Variants in ZFP3 observed in about 807,000 individuals in gnomAD.
ZFP3 encodes the protein zinc finger protein 3 homolog.
In ZFP3, 18 loss-of-function variants were observed where a neutral mutation model predicts 36.7. The ratio of observed to expected loss-of-function variants is 0.49; its 90% CI spans 0.34 to 0.73. The LOEUF is 0.73. Among genes scored for constraint, ZFP3 ranks in the 30% least tolerant of loss-of-function variants. The pLI, the probability that ZFP3 is intolerant of heterozygous loss-of-function variation, is 0.01. For synonymous variants in ZFP3, 218 were observed against 199.0 expected (o/e 1.10, Z -0.81); for missense variants, 495 against 599.0 (o/e 0.83, Z 1.81).
rs2072076070 is a variant in ZFP3, at chr17:5,078,480, A to C, written c.-104A>C. 1 of 152,282 alleles carries C rather than the reference A, an allele frequency of 6.6e-6. No homozygotes were observed. The highest frequency in any genetic ancestry group is 2.1e-4 in the South Asian group (1 of 4,842). 9.4% of individuals were successfully genotyped at this position (152,282 alleles called of 1,614,324 possible). ...CCGGAAGTGGCCGATGCCCGTCGCC[A>C]GTGACACCGGGACAACAGCTGCGGG... On this transcript the variant is annotated 5_prime_UTR_variant, in exon 1 of 2. Transcript: ENST00000318833. This position sits in a 1 kb window ranked among gnomAD's most constrained non-coding sequence, Gnocchi z 4.5.
At chr17:5,087,549 A>G (rs1358084226) in intron 1 of ZFP3, among the ~76,000 whole-genome samples, 1 of 152,064 alleles carries the variant, frequency 6.6e-6, no homozygotes, top group East Asian at 1.9e-4. Flanking sequence ...AAATTAGGAT[A>G]ATTTGAGGAG....
intron 1 of ZFP3, among the ~76,000 whole-genome samples, chr17:5,087,267 G>A (rs2072126626): frequency 2.0e-5 from 3 of 151,226 alleles, no homozygotes; most frequent in African/African-American, 7.3e-5. Flanking sequence ...TTGTAGAGAT[G>A]GGGTCTTGCT....
At chr17:5,080,699 C>T (rs181093636) in intron 1 of ZFP3, among the ~76,000 whole-genome samples, 2 of 152,134 alleles carry the variant, frequency 1.3e-5, no homozygotes, top group African/African-American at 4.8e-5. Flanking sequence ...CTCTCTGTAA[C>T]CTCCATCTCT....
At chr17:5,081,795 G>A (rs1567747934) in intron 1 of ZFP3, among the ~76,000 whole-genome samples, 2 of 150,912 alleles carry the variant, frequency 1.3e-5, no homozygotes, top group Non-Finnish European at 3.0e-5. Flanking sequence ...TAGAGGCGGG[G>A]TTTCACCGTA....
Position 5,094,042 on chromosome 17 carries a change from T to A in ZFP3, c.*1029T>A. 1 of 167,266 alleles carries A rather than the reference T, an allele frequency of 6.0e-6. No individual in the cohort carries two copies. The allele number at this position is 167,266 out of a possible 1,614,324, so 10.4% of individuals were successfully genotyped here. ...TAGCAGACAGGACTGTGGCTTCACCTCCTCCGGGCACCTGGCTACAGTGAT... is the reference window on the plus strand; with the variant it reads ...TAGCAGACAGGACTGTGGCTTCACCACCTCCGGGCACCTGGCTACAGTGAT... On this transcript the variant is annotated 3_prime_UTR_variant, in exon 2 of 2. Coordinates refer to ENST00000318833, the MANE Select transcript of ZFP3 (RefSeq NM_153018.3).
Position 5,079,150 on chromosome 17 carries a change from T to C in ZFP3, c.-9+575T>C, listed in dbSNP as rs1046497544. The stretch of plus-strand genomic sequence containing the variant: ...AGGAACTTATTTTTACAAACAGTTA[T>C]CGACACCAGCTATGTGTCAGACACT... On this transcript the variant is annotated intron_variant, in intron 1 of 1. Coordinates refer to ENST00000318833, the MANE Select transcript of ZFP3 (RefSeq NM_153018.3). 7.2e-5 allele frequency among the ~76,000 whole-genome samples: 11 copies of C among 152,214 alleles called. No homozygotes were observed. The East Asian group carries it at 9.6e-4, about 13-fold the overall frequency.
At position 5,090,487 on chromosome 17, in the gene ZFP3, G is replaced by A. The variant is rs2072144167; in HGVS notation, c.-8-1010G>A. Among the ~76,000 whole-genome samples, 3 of 152,192 alleles carry A rather than the reference G, an allele frequency of 2.0e-5. No homozygotes were observed. In the South Asian group the frequency reaches 6.2e-4, roughly 31 times the overall value. The stretch of plus-strand genomic sequence containing the variant: ...GGCTCCAAATGTCAGGGAGCCAAAG[G>A]CGGTACTTCTGTGCTAGTTATAGCT... On this transcript the variant is annotated intron_variant, in intron 1 of 1. Coordinates refer to ENST00000318833, the MANE Select transcript of ZFP3 (RefSeq NM_153018.3).
rs2072079226 is a variant in ZFP3 at position 5,078,854 on chromosome 17, C to T, written c.-9+279C>T. Among the ~76,000 whole-genome samples, 2 of 152,142 alleles carry T rather than the reference C, an allele frequency of 1.3e-5. No individual in the cohort carries two copies. Among genetic ancestry groups the T allele is most frequent in the East Asian group, 3.9e-4 (2 of 5,186 alleles). On this transcript the variant is annotated intron_variant, in intron 1 of 1. Transcript: ENST00000318833. The surrounding 1 kb of genome is among the most constrained non-coding windows in gnomAD (Gnocchi z 4.5). ...AGAAGCAGGGACACTCCCTTCTGTA[C>T]CGAGGTGGGGACCCGTGGGAGCTGT...
Position 5,092,860 on chromosome 17 carries a change from C to T in ZFP3, c.1356C>T (p.Ser452=), listed in dbSNP as rs143319403. Residue 452 remains serine (S), a synonymous_variant, in exon 2 of 2, where the codon AGC becomes AGT. Coordinates refer to ENST00000318833, the MANE Select transcript of ZFP3 (RefSeq NM_153018.3). This position sits in a 1 kb window ranked among gnomAD's most constrained non-coding sequence, Gnocchi z 5.0. ...IHIGEKPYEC[S]ECEKTFSQHS... ...TTGGAGAGAAACCTTATGAATGTAGCGAGTGTGAGAAAACATTTAGCCAGC... is the reference window on the plus strand; with the variant it reads ...TTGGAGAGAAACCTTATGAATGTAGTGAGTGTGAGAAAACATTTAGCCAGC... 1.2e-5 allele frequency: 20 copies of T among 1,614,004 alleles called. No homozygotes were observed. Among genetic ancestry groups the T allele is most frequent in the African/African-American group, 8.0e-5 (6 of 74,972 alleles).
At position 5,091,485 on chromosome 17, in the gene ZFP3, C is replaced by G. The variant is rs563173258; in HGVS notation, c.-8-12C>G. ...ATACGGTCCCTTCACATACTTACCT[C>G]TCTCATTTCAGATTGTGAGATGGGG... On this transcript the variant is annotated splice_polypyrimidine_tract_variant and intron_variant, in intron 1 of 1. Coordinates refer to ENST00000318833, the MANE Select transcript of ZFP3 (RefSeq NM_153018.3). 1.2e-5 allele frequency: 20 copies of G among 1,609,868 alleles called. No homozygotes were observed. The South Asian group carries it at 2.0e-4, about 16-fold the overall frequency.
In ZFP3 at chr17:5,092,826, A is replaced by AGC; in HGVS notation, c.1322_1323insGC (p.Ile442GlnfsTer106). 4 of 1,614,180 alleles carry AGC rather than the reference A, an allele frequency of 2.5e-6. No individual in the cohort carries two copies. The highest frequency in any genetic ancestry group is 3.4e-6 in the Non-Finnish European group (4 of 1,180,034). On this transcript the variant is annotated frameshift_variant, in exon 2 of 2. Transcript: ENST00000318833. LOFTEE classifies it high-confidence loss of function. The surrounding 1 kb of genome is among the most constrained non-coding windows in gnomAD (Gnocchi z 5.0). ...AATTCTGAGCTGCTTCTCCACCAGA[A>AGC]AATTCATATTGGAGAGAAACCTTAT...
chr17:5,092,005 AC>A lies in ZFP3; in HGVS notation c.504del (p.Phe169LeufsTer20). 1 of 1,614,104 alleles carries A rather than the reference AC, an allele frequency of 6.2e-7. No individual in the cohort carries two copies. The highest frequency in any genetic ancestry group is 8.5e-7 in the Non-Finnish European group (1 of 1,180,008). Reference sequence around the variant, plus strand: ...ATATGAGAGTTCATAGTGGAGAAAAACCCTTTGAATGTAAAGAATGTGGAAA... The same window carrying A: ...ATATGAGAGTTCATAGTGGAGAAAAACCTTTGAATGTAAAGAATGTGGAAA... ...QHMRVHSGEK[P>X]FECKECGKTF... On this transcript the variant is annotated frameshift_variant, in exon 2 of 2. Coordinates refer to ENST00000318833, the MANE Select transcript of ZFP3 (RefSeq NM_153018.3). LOFTEE classifies it high-confidence loss of function. The surrounding 1 kb of genome is among the most constrained non-coding windows in gnomAD (Gnocchi z 5.0).
intron 1 of ZFP3, among the ~76,000 whole-genome samples, chr17:5,082,110 G>A (rs1037675510): frequency 1.3e-5 from 2 of 151,664 alleles, no homozygotes; most frequent in African/African-American, 4.8e-5. Context: ...CACTTTGGGA[G>A]GCCGAGGCGG....
chr17:5,087,077 ATTTTTT>A, intron 1 of ZFP3, among the ~76,000 whole-genome samples: 1 of 101,552 alleles, frequency 9.8e-6, no homozygotes, highest in South Asian at 3.3e-4. Context: ...ACTGCATTTG[ATTTTTT>A]TTTTTTTTTT....
At position 5,092,570 on chromosome 17, in the gene ZFP3, A is replaced by G. The variant is rs778810543; in HGVS notation, c.1066A>G (p.Ile356Val). The G allele has an allele frequency of 1.9e-6, 3 of 1,613,944 alleles. No homozygotes were observed. The highest frequency in any genetic ancestry group is 2.5e-6 in the Non-Finnish European group (3 of 1,180,016). Reference protein sequence around the residue: ...FGQNSEIIRHIRIHTGEKPYV... With the variant: ...FGQNSEIIRHVRIHTGEKPYV... ...CCAGAACTCAGAGATTATTAGACATATTAGAATTCATACTGGTGAGAAGCC... is the reference window on the plus strand; with the variant it reads ...CCAGAACTCAGAGATTATTAGACATGTTAGAATTCATACTGGTGAGAAGCC... The change falls in exon 2 of 2, where the codon ATT becomes GTT. Residue 356 changes from isoleucine (I) to valine (V), a missense_variant. Ile to Val is a conservative substitution (Grantham distance 29). Around this residue, in one of 3 missense-constraint regions of ZFP3, gnomAD observed 163 missense variants for 178.4 expected, o/e 0.91. Coordinates refer to ENST00000318833, the MANE Select transcript of ZFP3 (RefSeq NM_153018.3). This position sits in a 1 kb window ranked among gnomAD's most constrained non-coding sequence, Gnocchi z 5.0.
intron 1 of ZFP3, among the ~76,000 whole-genome samples, chr17:5,083,791 C>G (rs955194613): frequency 6.6e-6 from 1 of 152,148 alleles, no homozygotes; most frequent in Non-Finnish European, 1.5e-5. Flanking sequence ...ATCTTCCTGC[C>G]ATGATTTCAG....
chr17:5,089,988 G>A (rs1306566290), intron 1 of ZFP3, among the ~76,000 whole-genome samples: 1 of 152,048 alleles, frequency 6.6e-6, no homozygotes, highest in African/African-American at 2.4e-5. Flanking sequence ...ATCTATGAAG[G>A]TATTAAGAAA....
chr17:5,087,076 G>GC (rs2072125489), intron 1 of ZFP3, among the ~76,000 whole-genome samples: 1 of 106,832 alleles, frequency 9.4e-6, no homozygotes, highest in Non-Finnish European at 1.8e-5. Flanking sequence ...AACTGCATTT[G>GC]ATTTTTTTTT....
At position 5,094,747 on chromosome 17, in the gene ZFP3, A is replaced by G. The variant is rs919576635; in HGVS notation, c.*1734A>G. ...TACCTGACAGGCAGAGTGCCAGTTT[A>G]CATTTTAATTTTCACATCATTTCTA... On this transcript the variant is annotated 3_prime_UTR_variant, in exon 2 of 2. Coordinates refer to ENST00000318833, the MANE Select transcript of ZFP3 (RefSeq NM_153018.3). 3.6e-5 allele frequency: 6 copies of G among 167,100 alleles called. No homozygotes were observed. Among genetic ancestry groups the G allele is most frequent in the Non-Finnish European group, 8.8e-5 (6 of 68,118 alleles). 10.4% of individuals were successfully genotyped at this position (167,100 alleles called of 1,614,324 possible).
Sources: gnomAD v4.1 joint callset for allele counts (sites outside exome capture counted in the v4.1 genomes callset) on GRCh38, gnomAD v4.1.1 for gene constraint, gnomAD v4.1.1 regional missense constraint, Gnocchi (gnomAD v3.1) non-coding constraint, MANE v1.5 for transcripts, NCBI Gene and HGNC (gene_info 2026-07-23, HGNC 2026-07-21) for gene names.